The following VCP variants were observed in gnomAD, a reference collection of about 807,000 sequenced individuals.
VCP encodes transitional endoplasmic reticulum ATPase.
In VCP, 6 loss-of-function variants were observed where a neutral mutation model predicts 85.7. The ratio of observed to expected loss-of-function variants is 0.07; its 90% confidence interval spans 0.04 to 0.14. VCP has a LOEUF of 0.14. VCP is among the 10% of genes least tolerant of loss of function. The pLI, the probability that VCP is intolerant of heterozygous loss-of-function variation, is 1.00. For missense variants in VCP, 353 were observed against 1,043.4 expected (o/e 0.34, Z 9.12); for synonymous variants, 384 against 367.1 (o/e 1.05, Z -0.53).
At chr9:35,064,437 G>A in intron 5 of VCP, 152 bp from the exon 6 acceptor site, 2 of 1,047,376 alleles carry the variant, frequency 1.9e-6, no homozygotes, top group East Asian at 5.3e-5. Flanking sequence ...TGTAATCCCA[G>A]CACTTTGGGA....
chr9:35,058,618 C>G (rs368639354), intron 15 of VCP, among the ~76,000 whole-genome samples: 2 of 152,152 alleles, frequency 1.3e-5, no homozygotes, highest in South Asian at 2.1e-4. Flanking sequence ...ATACAAAAAA[C>G]TAGCCGGACA....
intron 1 of VCP, among the ~76,000 whole-genome samples, chr9:35,070,990 G>A (rs1828929864): frequency 6.6e-6 from 1 of 152,262 alleles, no homozygotes; most frequent in Non-Finnish European, 1.5e-5. Flanking sequence ...TCCCTTTCCA[G>A]AACTGCACAG....
intron 3 of VCP, among the ~76,000 whole-genome samples, chr9:35,067,020 A>T (rs1828847435): frequency 6.6e-6 from 1 of 152,252 alleles, no homozygotes; most frequent in Admixed American, 6.5e-5. Flanking sequence ...GCCAAAATCA[A>T]GAGCCACACA....
At chr9:35,057,710 T>C (rs1828638611) in intron 15 of VCP, 180 bp from the exon 16 acceptor site, 1 of 769,858 alleles carries the variant, frequency 1.3e-6, no homozygotes, top group Admixed American at 2.1e-5. Context: ...GTCAATGCAC[T>C]CTGGAAAAGG....
intron 3 of VCP, 25 bp downstream of exon 3, chr9:35,067,866 G>C (rs1390112674): frequency 6.2e-7 from 1 of 1,614,060 alleles, no homozygotes; most frequent in Non-Finnish European, 8.5e-7. Flanking sequence ...TCCCATCCCT[G>C]TGAAGCCAAA....
intron 15 of VCP, chr9:35,057,943 A>G: frequency 3.3e-6 from 1 of 305,548 alleles, no homozygotes. Flanking sequence ...TAATACTTTA[A>G]AAGGAAATGC....
At position 35,068,232 on chromosome 9, in the gene VCP, GTC is replaced by G; in HGVS notation, c.129+17_129+18del. ...AAGTAAGTGCAGTAAGGAAAGACTA[GTC>G]TGTGGCCACAGCTTACCTGGGACAA... On this transcript the variant is annotated intron_variant, in intron 2 of 16. Transcript: ENST00000358901. The G allele has an allele frequency of 6.2e-7, 1 of 1,612,154 alleles. No individual in the cohort carries two copies. The highest frequency in any genetic ancestry group is 8.5e-7 in the Non-Finnish European group (1 of 1,178,246).
At chr9:35,066,867 G>C (rs776513109) in intron 3 of VCP, 50 bp from the exon 4 acceptor site, 14 of 1,613,130 alleles carry the variant, frequency 8.7e-6, no homozygotes, top group Non-Finnish European at 1.2e-5. Context: ...TCGGGCCCAA[G>C]CACTGGGTGT....
chr9:35,072,580 C>G lies in VCP; in HGVS notation c.-227G>C, dbSNP rs545792962. 3 of 504,398 alleles carry G rather than the reference C, an allele frequency of 5.9e-6. No homozygotes were observed. Among genetic ancestry groups the G allele is most frequent in the Non-Finnish European group, 1.0e-5 (3 of 298,108 alleles). The allele number at this position is 504,398 out of a possible 1,614,324, so 31.2% of individuals were successfully genotyped here. The stretch of plus-strand genomic sequence containing the variant: ...GTGGCAGTGGCAGTGGCAGCGGCAG[C>G]GGCAGCGACGACTCAAACGACGGTC... On this transcript the variant is annotated 5_prime_UTR_variant, in exon 1 of 17. Coordinates refer to ENST00000358901, the MANE Select transcript of VCP (RefSeq NM_007126.5).
In VCP at chr9:35,059,210, A is replaced by C. The variant is rs757829124; in HGVS notation, c.2014T>G (p.Leu672Val). The C allele has an allele frequency of 1.2e-6, 2 of 1,614,178 alleles. No homozygotes were observed. Among genetic ancestry groups the C allele is most frequent in the Non-Finnish European group, 1.7e-6 (2 of 1,180,026 alleles). ...TTAGTCATTTTAGCCAGGAACTCCA[A>C]GTCCACATCCTAAAAGCAGCAGCAG... ...RKSPVAKDVDLEFLAKMTNGF... is the reference protein window; with the variant it reads ...RKSPVAKDVDVEFLAKMTNGF... The change falls in exon 15 of 17, where the codon TTG (leucine) becomes GTG (valine). Residue 672 changes from leucine (L) to valine (V), a missense_variant. By Grantham distance (32) the Leu-to-Val change is conservative. This residue lies in a region of VCP where 93 missense variants were observed against 197.1 expected (regional missense o/e 0.47). Coordinates refer to ENST00000358901, the MANE Select transcript of VCP (RefSeq NM_007126.5). This position sits in a 1 kb window ranked among gnomAD's most constrained non-coding sequence, Gnocchi z 4.9.
At chr9:35,066,947 G>T (rs751429960) in intron 3 of VCP, 130 bp from the exon 4 acceptor site, 6 of 1,446,850 alleles carry the variant, frequency 4.1e-6, no homozygotes, top group Non-Finnish European at 4.8e-6. Context: ...TAGGCGAAGA[G>T]AGGAAGGAGA....
intron 12 of VCP, 94 bp downstream of exon 12, chr9:35,060,707 C>T (rs1271686393): frequency 1.2e-6 from 2 of 1,609,016 alleles, no homozygotes; most frequent in Non-Finnish European, 1.7e-6. Context: ...CGTGCTCTCA[C>T]AACTCTTGCA....
At position 35,063,184 on chromosome 9, in the gene VCP, C is replaced by T. The variant is rs1360414941; in HGVS notation, c.709-104G>A. The T allele has an allele frequency of 5.0e-6, 5 of 1,005,056 alleles. No individual in the cohort carries two copies. In the South Asian group the frequency reaches 5.1e-5, roughly 10 times the overall value. The allele number at this position is 1,005,056 out of a possible 1,614,324, so 62.3% of individuals were successfully genotyped here. A position where few individuals can be genotyped will look rare whatever the true frequency, so the allele number is the denominator to read the frequency against. On this transcript the variant is annotated intron_variant, in intron 6 of 16. Coordinates refer to ENST00000358901, the MANE Select transcript of VCP (RefSeq NM_007126.5). ...GGTGAGAATCAGGCTTCAACCCTGACAATATTAAGAATAAGCCCTCCGCAG... is the reference window on the plus strand; with the variant it reads ...GGTGAGAATCAGGCTTCAACCCTGATAATATTAAGAATAAGCCCTCCGCAG...
rs1016452137 is a variant in VCP at position 35,056,067 on chromosome 9, T to C, written c.*1050A>G. On this transcript the variant is annotated 3_prime_UTR_variant, in exon 17 of 17. Transcript: ENST00000358901. ...AAAAAAAAATTCAATACTAAAATTT[T>C]ATATTAACAAAAAGTTTTTTTTTTT... 3 of 151,994 alleles carry C rather than the reference T, an allele frequency of 2.0e-5. No individual in the cohort carries two copies. Among genetic ancestry groups the C allele is most frequent in the Non-Finnish European group, 2.9e-5 (2 of 67,978 alleles). The allele number at this position is 151,994 out of a possible 1,614,324, so 9.4% of individuals were successfully genotyped here.
At chr9:35,071,190 C>T (rs1456645529) in intron 1 of VCP, among the ~76,000 whole-genome samples, 2 of 151,362 alleles carry the variant, frequency 1.3e-5, no homozygotes, top group Admixed American at 6.6e-5. Flanking sequence ...CTGAGTAATA[C>T]TTTATCCGAA....
chr9:35,072,279 T>TG, intron 1 of VCP, 58 bp downstream of exon 1: 1 of 1,484,950 alleles, frequency 6.7e-7, no homozygotes, highest in Non-Finnish European at 8.9e-7. Flanking sequence ...GGGCCTACCC[T>TG]GCGCGGCTGG....
At chr9:35,069,444 CTTTTTTTTTTT>C (rs35498216) in intron 1 of VCP, among the ~76,000 whole-genome samples, 17,517 of 97,354 alleles carry the variant, frequency 0.18, 1,816 homozygotes, top group East Asian at 0.44. Context: ...CTCCCTCTCC[CTTTTTTTTTTT>C]TTTTTTTTTT....
At position 35,063,148 on chromosome 9, in the gene VCP, G is replaced by A. The variant is rs1352157043; in HGVS notation, c.709-68C>T. 1.3e-5 allele frequency: 18 copies of A among 1,393,582 alleles called. No individual in the cohort carries two copies. In the Admixed American group the frequency reaches 1.5e-4, roughly 12 times the overall value. The allele number at this position is 1,393,582 out of a possible 1,614,324, so 86.3% of individuals were successfully genotyped here. A position where few individuals can be genotyped will look rare whatever the true frequency, so the allele number is the denominator to read the frequency against. On this transcript the variant is annotated intron_variant, in intron 6 of 16. Transcript: ENST00000358901. ...CAAACCCTAAAATGGCTTGACTAGC[G>A]CTCCAGAGAGGGTGAGAATCAGGCT...
chr9:35,071,885 G>GC, intron 1 of VCP: 1 of 997,912 alleles, frequency 1.0e-6, no homozygotes, highest in Non-Finnish European at 1.2e-6. Context: ...CAAAGTCCAC[G>GC]CCCACCGGGC....
Sources: gnomAD v4.1 joint callset for allele counts (sites outside exome capture counted in the v4.1 genomes callset) on GRCh38, gnomAD v4.1.1 for gene constraint, gnomAD v4.1.1 regional missense constraint, Gnocchi (gnomAD v3.1) non-coding constraint, MANE v1.5 for transcripts, NCBI Gene and HGNC (gene_info 2026-07-23, HGNC 2026-07-21) for gene names.